Variants in DHX8 observed in about 807,000 individuals in gnomAD.
DHX8 encodes the protein DEAH-box helicase 8.
Under a neutral mutation model 140.7 loss-of-function variants are expected in DHX8, and 67 were observed. The observed-to-expected ratio is 0.48, with a 90% CI of 0.39 to 0.58. The LOEUF is 0.58. Among genes scored for constraint, DHX8 ranks in the 20% least tolerant of loss-of-function variants. The pLI, the probability that DHX8 is intolerant of heterozygous loss-of-function variation, is 0.00. For synonymous variants in DHX8, 533 were observed against 553.2 expected (o/e 0.96, Z 0.51); for missense variants, 887 against 1,550.7 (o/e 0.57, Z 7.19).
chr17:43,532,621 G>A, intron 2 of DHX8: 1 of 1,526,264 alleles, frequency 6.6e-7, no homozygotes, highest in Non-Finnish European at 8.9e-7. Flanking sequence ...AGACATTCTG[G>A]GCTTAACTGA....
intron 2 of DHX8, among the ~76,000 whole-genome samples, chr17:43,533,651 G>A (rs78933000): frequency 0.012 from 1,787 of 152,172 alleles, 20 homozygotes; most frequent in Non-Finnish European, 0.018. Flanking sequence ...AATCTGCTCT[G>A]GCCTCAGTAT....
intron 16 of DHX8, among the ~76,000 whole-genome samples, chr17:43,509,434 T>C (rs542110708): frequency 6.6e-6 from 1 of 152,206 alleles, no homozygotes; most frequent in East Asian, 1.9e-4. Context: ...AACAGTTTTA[T>C]TGAGATATAA....
intron 1 of DHX8, among the ~76,000 whole-genome samples, chr17:43,486,398 TAG>T (rs1968146386): frequency 6.6e-6 from 1 of 152,146 alleles, no homozygotes; most frequent in Non-Finnish European, 1.5e-5. Context: ...GTTGAGATAG[TAG>T]AGTTTCCGAT....
intron 2 of DHX8, among the ~76,000 whole-genome samples, chr17:43,489,805 T>C (rs1968396906): frequency 6.6e-6 from 1 of 152,166 alleles, no homozygotes; most frequent in Non-Finnish European, 1.5e-5. Context: ...TTAGCCAGGA[T>C]GGTCTCGATC....
At chr17:43,532,693 C>T (rs774978942) in intron 2 of DHX8, 6 of 1,612,760 alleles carry the variant, frequency 3.7e-6, no homozygotes, top group African/African-American at 2.7e-5. Flanking sequence ...AGGCGAAGTC[C>T]GTCTGTTCCT....
intron 2 of DHX8, 59 bp downstream of exon 2, chr17:43,489,593 G>GT (rs1487643538): frequency 6.1e-6 from 8 of 1,301,142 alleles, no homozygotes; most frequent in Non-Finnish European, 7.6e-6. Flanking sequence ...ATGTTTGTTT[G>GT]TTTGTTTTTT....
chr17:43,535,965 G>T (rs931560290), intron 2 of DHX8, among the ~76,000 whole-genome samples: 1 of 152,176 alleles, frequency 6.6e-6, no homozygotes, highest in South Asian at 2.1e-4. Context: ...ACAAAAATTA[G>T]CTGGGTGTGG....
chr17:43,525,006 C>T lies in DHX8; in HGVS notation c.*1159C>T. The T allele has an allele frequency of 1.0e-6, 1 of 984,810 alleles. No individual in the cohort carries two copies. The highest frequency in any genetic ancestry group is 1.2e-6 in the Non-Finnish European group (1 of 829,614). The allele number at this position is 984,810 out of a possible 1,614,324, so 61.0% of individuals were successfully genotyped here. A position where few individuals can be genotyped will look rare whatever the true frequency, so the allele number is the denominator to read the frequency against. ...ATGGGTTCCCACTGTGCTGCCCAGG[C>T]TGCTCTCCAATCCCTGGCGTCAAGC... On this transcript the variant is annotated 3_prime_UTR_variant, in exon 23 of 23. Coordinates refer to ENST00000262415, the MANE Select transcript of DHX8 (RefSeq NM_004941.3).
At chr17:43,493,069 C>T (rs1294315558) in intron 6 of DHX8, 29 bp downstream of exon 6, 1 of 1,583,710 alleles carries the variant, frequency 6.3e-7, no homozygotes, top group Non-Finnish European at 8.6e-7. Flanking sequence ...TTGTTCACAC[C>T]AGTGATGGGC....
At chr17:43,528,599 A>G, downstream of DHX8, 2 of 1,614,160 alleles carry the variant, frequency 1.2e-6, no homozygotes, top group Non-Finnish European at 1.7e-6. Context: ...CTCTCATCCA[A>G]GTGGGACAAA....
intron 17 of DHX8, among the ~76,000 whole-genome samples, chr17:43,515,488 A>G (rs1162070594): frequency 1.3e-5 from 2 of 152,216 alleles, no homozygotes; most frequent in African/African-American, 4.8e-5. Context: ...CGCCTGGCCC[A>G]ATAATAGCTA....
intron 5 of DHX8, 73 bp from the exon 6 acceptor site, chr17:43,492,608 A>G (rs570719014): frequency 5.8e-5 from 51 of 876,718 alleles, no homozygotes; most frequent in Non-Finnish European, 9.5e-5. Flanking sequence ...ATGGCACTGT[A>G]CTGGGTGCTT....
intron 3 of DHX8, among the ~76,000 whole-genome samples, chr17:43,543,278 T>A (rs545801368): frequency 1.8e-3 from 245 of 132,952 alleles, no homozygotes; most frequent in Non-Finnish European, 2.4e-3. Context: ...ACACACACAC[T>A]CTCTCTCTCT....
At chr17:43,505,839 G>A (rs1969464883) in intron 12 of DHX8, among the ~76,000 whole-genome samples, 1 of 151,938 alleles carries the variant, frequency 6.6e-6, no homozygotes, top group African/African-American at 2.4e-5. Context: ...AGTTTCTAGT[G>A]AATCCTTTCA....
chr17:43,490,335 G>A (rs551392783), intron 2 of DHX8, 56 bp from the exon 3 acceptor site: 2 of 1,371,014 alleles, frequency 1.5e-6, no homozygotes, highest in East Asian at 2.3e-5. Context: ...CCTTTTAAGT[G>A]TATTTAAGCA....
At chr17:43,485,956 G>C (rs1249909712) in intron 1 of DHX8, among the ~76,000 whole-genome samples, 1 of 152,144 alleles carries the variant, frequency 6.6e-6, no homozygotes, top group Admixed American at 6.5e-5. Flanking sequence ...CAGCACTTTG[G>C]AAGGCCAAGA....
chr17:43,508,132 T>G, intron 15 of DHX8, 113 bp downstream of exon 15: 1 of 1,176,020 alleles, frequency 8.5e-7, no homozygotes, highest in East Asian at 2.5e-5. Context: ...CTTCTAAATA[T>G]TCATCTCTCT....
In DHX8 at chr17:43,513,456, A is replaced by G. The variant is rs1352767749; in HGVS notation, c.2597A>G (p.Asn866Ser). The G allele has an allele frequency of 4.3e-6, 7 of 1,613,974 alleles. No individual in the cohort carries two copies. Among genetic ancestry groups the G allele is most frequent in the Non-Finnish European group, 5.1e-6 (6 of 1,180,002 alleles). The change falls in exon 17 of 23, where the codon AAT becomes AGT. Residue 866 changes from asparagine (N) to serine (S), a missense_variant. Transcript: ENST00000262415. ...GGATTCGTGAAACAGAAAGTTTACAATTCCAAGACAGGGATTGACCAGCTC... is the reference window on the plus strand; with the variant it reads ...GGATTCGTGAAACAGAAAGTTTACAGTTCCAAGACAGGGATTGACCAGCTC... ...DPGFVKQKVYNSKTGIDQLVV... is the reference protein window; with the variant it reads ...DPGFVKQKVYSSKTGIDQLVV...
At chr17:43,517,082 T>C (rs1970151250) in intron 17 of DHX8, 85 bp from the exon 18 acceptor site, 1 of 1,405,562 alleles carries the variant, frequency 7.1e-7, no homozygotes, top group South Asian at 1.5e-5. Context: ...CAGTTGTTAA[T>C]TGTCCCCCTT....
Sources: gnomAD v4.1 joint callset for allele counts (sites outside exome capture counted in the v4.1 genomes callset) on GRCh38, gnomAD v4.1.1 for gene constraint, MANE v1.5 for transcripts, NCBI Gene and HGNC (gene_info 2026-07-23, HGNC 2026-07-21) for gene names.